The following ATG5 variants were observed in gnomAD, a reference collection of about 807,000 sequenced individuals.
ATG5 encodes autophagy protein 5.
Under a neutral mutation model 36.5 loss-of-function variants are expected in ATG5, and 14 were observed. That is an observed-to-expected ratio of 0.38 (90% CI 0.25 to 0.60). ATG5 has a LOEUF of 0.60. ATG5 is among the 20% of genes least tolerant of loss of function. The probability of loss-of-function intolerance (pLI) is 0.60; values close to 1 mark genes in which losing one functional copy is unlikely to be tolerated. For missense variants in ATG5, 195 were observed against 326.7 expected (o/e 0.60, Z 3.11); for synonymous variants, 95 against 101.5 (o/e 0.94, Z 0.38).
At chr6:106,275,934 A>G (rs954797398) in intron 5 of ATG5, among the ~76,000 whole-genome samples, 6 of 152,234 alleles carry the variant, frequency 3.9e-5, no homozygotes, top group South Asian at 2.1e-4. Flanking sequence ...ACGACAATAC[A>G]TAAGTGAATG....
chr6:106,301,327 C>A (rs1770197504), intron 3 of ATG5, among the ~76,000 whole-genome samples: 1 of 151,920 alleles, frequency 6.6e-6, no homozygotes, highest in Admixed American at 6.6e-5. Flanking sequence ...TATAAGTATA[C>A]CACTGTTCTT....
At chr6:106,275,659 T>C (rs924692615) in intron 5 of ATG5, among the ~76,000 whole-genome samples, 2 of 152,040 alleles carry the variant, frequency 1.3e-5, no homozygotes, top group Non-Finnish European at 2.9e-5. Flanking sequence ...AAGGCAGAAA[T>C]AGAAAAAAAG....
intron 3 of ATG5, among the ~76,000 whole-genome samples, chr6:106,306,472 G>A (rs1450564029): frequency 6.6e-6 from 1 of 152,158 alleles, no homozygotes; most frequent in African/African-American, 2.4e-5. Flanking sequence ...ATCAAGACTG[G>A]AGGAAGTGCT....
chr6:106,204,653 G>T (rs907896532), intron 6 of ATG5, among the ~76,000 whole-genome samples: 5 of 152,068 alleles, frequency 3.3e-5, no homozygotes, highest in Admixed American at 1.3e-4. Flanking sequence ...ATTCTCATGA[G>T]ATCTGATGGT....
At chr6:106,212,842 G>T (rs1292516991) in intron 6 of ATG5, among the ~76,000 whole-genome samples, 1 of 152,094 alleles carries the variant, frequency 6.6e-6, no homozygotes, top group African/African-American at 2.4e-5. Context: ...TTTTCTTATA[G>T]ATCTTTAGCA....
chr6:106,257,322 C>T (rs1363511452), intron 5 of ATG5, among the ~76,000 whole-genome samples: 2 of 152,106 alleles, frequency 1.3e-5, no homozygotes, highest in Non-Finnish European at 2.9e-5. Context: ...GTAACATAGT[C>T]GTTTATCATT....
chr6:106,314,568 T>A (rs541902617), intron 2 of ATG5, among the ~76,000 whole-genome samples: 10 of 151,974 alleles, frequency 6.6e-5, no homozygotes, highest in African/African-American at 1.7e-4. Context: ...AAATAAATAA[T>A]AAATAAATAA....
chr6:106,286,952 C>G lies in ATG5; in HGVS notation c.315+6076G>C, dbSNP rs1780104407. The stretch of plus-strand genomic sequence containing the variant: ...CCTGATGGCACCCTCATAACCTAGG[C>G]AGAAGATCCAGGTATAAGCTATGCC... On this transcript the variant is annotated intron_variant, in intron 4 of 7. Transcript: ENST00000369076. Among the ~76,000 whole-genome samples, 3 of 152,192 alleles carry G rather than the reference C, an allele frequency of 2.0e-5. No homozygotes were observed. In the South Asian group the frequency reaches 6.2e-4, roughly 32 times the overall value.
intron 6 of ATG5, among the ~76,000 whole-genome samples, chr6:106,247,549 T>A (rs1778390684): frequency 6.6e-6 from 1 of 152,174 alleles, no homozygotes; most frequent in South Asian, 2.1e-4. Context: ...AACACTGAAA[T>A]CATCGCTCCT....
At chr6:106,239,940 T>C (rs1031825648) in intron 6 of ATG5, among the ~76,000 whole-genome samples, 2 of 152,122 alleles carry the variant, frequency 1.3e-5, no homozygotes, top group African/African-American at 2.4e-5. Context: ...GTTTATATAA[T>C]AAAAGATCAG....
chr6:106,307,206 G>A (rs1453418955), intron 3 of ATG5, among the ~76,000 whole-genome samples: 1 of 152,070 alleles, frequency 6.6e-6, no homozygotes. Flanking sequence ...CCTTTCATCT[G>A]TCCTAAAGCT....
chr6:106,239,271 C>T (rs547337829), intron 6 of ATG5, among the ~76,000 whole-genome samples: 2 of 151,838 alleles, frequency 1.3e-5, no homozygotes, highest in East Asian at 3.9e-4. Context: ...CTACAAAACA[C>T]CTGGAAATAA....
At chr6:106,225,149 A>AT (rs1777406334) in intron 6 of ATG5, among the ~76,000 whole-genome samples, 5 of 152,372 alleles carry the variant, frequency 3.3e-5, no homozygotes, top group Admixed American at 3.3e-4. Flanking sequence ...TTTTCACAAT[A>AT]ACCCTATTTT....
At chr6:106,323,793 C>T (rs1771192923) in intron 1 of ATG5, among the ~76,000 whole-genome samples, 1 of 152,224 alleles carries the variant, frequency 6.6e-6, no homozygotes, top group Non-Finnish European at 1.5e-5. Flanking sequence ...GATCAACTCA[C>T]TGCTTACTCA....
chr6:106,240,663 G>A (rs994979023), intron 6 of ATG5, among the ~76,000 whole-genome samples: 1 of 151,534 alleles, frequency 6.6e-6, no homozygotes, highest in Non-Finnish European at 1.5e-5. Flanking sequence ...AAAGTAAGCT[G>A]GCAATTTTTT....
chr6:106,284,138 C>T (rs924724926), intron 4 of ATG5, among the ~76,000 whole-genome samples: 16 of 152,184 alleles, frequency 1.1e-4, no homozygotes, highest in South Asian at 6.2e-4. Context: ...TTTGTGTGGA[C>T]GCAAGTTATT....
intron 7 of ATG5, among the ~76,000 whole-genome samples, chr6:106,198,822 G>A (rs1446635724): frequency 4.6e-5 from 7 of 151,638 alleles, no homozygotes; most frequent in African/African-American, 1.7e-4. Context: ...GAAAATGAAG[G>A]CAAGTCACAG....
intron 5 of ATG5, among the ~76,000 whole-genome samples, chr6:106,273,092 A>T (rs1278269700): frequency 6.6e-6 from 1 of 152,222 alleles, no homozygotes; most frequent in Non-Finnish European, 1.5e-5. Context: ...AGACTGTAAA[A>T]AAGGAAGCTT....
At chr6:106,271,933 C>T (rs1779470094) in intron 5 of ATG5, among the ~76,000 whole-genome samples, 1 of 152,158 alleles carries the variant, frequency 6.6e-6, no homozygotes, top group Non-Finnish European at 1.5e-5. Flanking sequence ...CTTGCTGTTC[C>T]CTCTGCCTAG....
Sources: gnomAD v4.1 joint callset for allele counts (sites outside exome capture counted in the v4.1 genomes callset) on GRCh38, gnomAD v4.1.1 for gene constraint, MANE v1.5 for transcripts, NCBI Gene and HGNC (gene_info 2026-07-23, HGNC 2026-07-21) for gene names.